Variants in RASAL2 observed in about 807,000 individuals in gnomAD.
RASAL2 encodes the protein ras GTPase-activating protein nGAP.
In RASAL2, 58 loss-of-function variants were observed where a neutral mutation model predicts 128.9. That is an observed-to-expected ratio of 0.45 (90% CI 0.36 to 0.56). The LOEUF (loss-of-function observed/expected upper bound fraction) is 0.56. Ranked by LOEUF, RASAL2 falls within the 20% of genes least tolerant of loss-of-function variation. The pLI is 0.00. For synonymous variants in RASAL2, 561 were observed against 580.8 expected, an observed-to-expected ratio of 0.97 and a Z score of 0.49; for missense variants, 1,360 against 1,601.6, an observed-to-expected ratio of 0.85 and a Z score of 2.57.
chr1:178,170,636 T>C (rs1420872539), intron 1 of RASAL2, among the ~76,000 whole-genome samples: 1 of 151,680 alleles, frequency 6.6e-6, no homozygotes, highest in Non-Finnish European at 1.5e-5. Flanking sequence ...TTTTATTTGC[T>C]CTTTTTCTCT....
At chr1:178,408,619 G>GTTTTT (rs1012370223) in intron 4 of RASAL2, among the ~76,000 whole-genome samples, 1 of 143,252 alleles carries the variant, frequency 7.0e-6, no homozygotes, top group African/African-American at 2.8e-5. Context: ...TTTGTTTTTT[G>GTTTTT]TTTTTTGTTT....
chr1:178,225,757 G>T (rs767702230), intron 1 of RASAL2, among the ~76,000 whole-genome samples: 3 of 149,848 alleles, frequency 2.0e-5, no homozygotes, highest in Non-Finnish European at 2.9e-5. Flanking sequence ...CTTTCATACT[G>T]TACATACATA....
intron 3 of RASAL2, among the ~76,000 whole-genome samples, chr1:178,352,959 C>T (rs1169558122): frequency 1.3e-5 from 2 of 152,236 alleles, no homozygotes; most frequent in Non-Finnish European, 2.9e-5. Context: ...GGGCAGCAGA[C>T]CCTGGGCCTG....
At chr1:178,359,931 G>A (rs1671019333) in intron 3 of RASAL2, among the ~76,000 whole-genome samples, 1 of 152,044 alleles carries the variant, frequency 6.6e-6, no homozygotes, top group African/African-American at 2.4e-5. Flanking sequence ...TTAACATATG[G>A]ACTCACAGAT....
At chr1:178,267,146 C>G (rs1488605986) in intron 1 of RASAL2, among the ~76,000 whole-genome samples, 2 of 152,182 alleles carry the variant, frequency 1.3e-5, no homozygotes, top group African/African-American at 4.8e-5. Context: ...TCTATCCATC[C>G]TTTTCTTAAC....
In RASAL2 at chr1:178,328,708, T is replaced by C. The variant is rs185811463; in HGVS notation, c.457+28590T>C. 8.3e-4 allele frequency among the ~76,000 whole-genome samples: 127 copies of C among 152,324 alleles called. 1 individual carries two copies. The highest frequency in any genetic ancestry group is 2.9e-3 in the African/African-American group (120 of 41,580). ...GGCAGTAGTCCTGTGAAACAAGTAT[T>C]ATTAGTACCCTTATTTTATAGAGAA... is the stretch of plus-strand genomic sequence containing the variant. On this transcript the variant is annotated intron_variant, in intron 3 of 17. Coordinates refer to ENST00000367649, the MANE Select transcript of RASAL2 (RefSeq NM_170692.4).
At chr1:178,145,637 A>T (rs1660709209) in intron 1 of RASAL2, among the ~76,000 whole-genome samples, 1 of 152,184 alleles carries the variant, frequency 6.6e-6, no homozygotes, top group Non-Finnish European at 1.5e-5. Context: ...TGGCTTAAAC[A>T]AAATAGAAGT....
chr1:178,298,514 C>T (rs1005334638), intron 2 of RASAL2, among the ~76,000 whole-genome samples: 1 of 152,182 alleles, frequency 6.6e-6, no homozygotes, highest in African/African-American at 2.4e-5. Flanking sequence ...TCCTTGCCAT[C>T]ATCTCCTTGA....
rs528629404 is a variant in RASAL2, at chr1:178,443,160, T to C, written c.1413T>C (p.Ile471=). 38 of 1,613,664 alleles carry C rather than the reference T, an allele frequency of 2.4e-5. 1 individual carries two copies. In the South Asian group the frequency reaches 4.1e-4, roughly 17 times the overall value. ...TGTGTTCTGTCCTTGAGCCAGTAAT[T>C]AGTGTGAGAAATAAAGAGGAGTTGG... ...TMLCSVLEPV[I]SVRNKEELAC... The change falls in exon 8 of 18, where the codon ATT becomes ATC. Residue 471 remains isoleucine, a synonymous_variant. Transcript: ENST00000367649.
intron 1 of RASAL2, among the ~76,000 whole-genome samples, chr1:178,270,908 C>G (rs1446483931): frequency 2.0e-5 from 3 of 152,122 alleles, no homozygotes; most frequent in African/African-American, 7.2e-5. Flanking sequence ...ATGTAAAAGT[C>G]TAATTTTGAG....
At chr1:178,131,957 G>A (rs918340199) in intron 1 of RASAL2, among the ~76,000 whole-genome samples, 2 of 152,118 alleles carry the variant, frequency 1.3e-5, no homozygotes, top group Admixed American at 6.5e-5. Context: ...TCTGTTTTGA[G>A]TCTTTGTAAT....
chr1:178,311,002 C>T (rs949907029), intron 3 of RASAL2, among the ~76,000 whole-genome samples: 1 of 152,072 alleles, frequency 6.6e-6, no homozygotes, highest in Non-Finnish European at 1.5e-5. Flanking sequence ...ACTAGAGGCT[C>T]CTCTTAATCA....
intron 14 of RASAL2, among the ~76,000 whole-genome samples, chr1:178,462,390 A>G (rs996930508): frequency 6.6e-6 from 1 of 152,194 alleles, no homozygotes; most frequent in African/African-American, 2.4e-5. Flanking sequence ...ACTAGTCAGT[A>G]TCATTTAAAA....
chr1:178,173,426 A>G (rs940352234), intron 1 of RASAL2, among the ~76,000 whole-genome samples: 1 of 152,164 alleles, frequency 6.6e-6, no homozygotes, highest in African/African-American at 2.4e-5. Flanking sequence ...ACATCTAAAT[A>G]TAGCATTTGC....
intron 2 of RASAL2, among the ~76,000 whole-genome samples, chr1:178,287,138 C>A (rs1035413320): frequency 4.0e-5 from 6 of 151,756 alleles, no homozygotes; most frequent in African/African-American, 1.5e-4. Flanking sequence ...CTTGCTTCAT[C>A]ATACACACTT....
chr1:178,132,463 C>T (rs1388361687), intron 1 of RASAL2, among the ~76,000 whole-genome samples: 1 of 151,954 alleles, frequency 6.6e-6, no homozygotes, highest in Non-Finnish European at 1.5e-5. Context: ...TATAAGCAAG[C>T]TTTTATGTTT....
At chr1:178,333,938 G>A (rs1031787562) in intron 3 of RASAL2, among the ~76,000 whole-genome samples, 1 of 152,168 alleles carries the variant, frequency 6.6e-6, no homozygotes, top group Non-Finnish European at 1.5e-5. Context: ...CCTTGTGGTA[G>A]ACAGAAAAAC....
chr1:178,150,205 A>C (rs1206374935), intron 1 of RASAL2, among the ~76,000 whole-genome samples: 1 of 151,698 alleles, frequency 6.6e-6, no homozygotes, highest in Admixed American at 6.6e-5. Flanking sequence ...TAGGTTATTT[A>C]TTTTTTTGCG....
intron 1 of RASAL2, among the ~76,000 whole-genome samples, chr1:178,240,868 A>C (rs1467699245): frequency 2.0e-5 from 3 of 151,248 alleles, no homozygotes; most frequent in African/African-American, 7.3e-5. Flanking sequence ...AAATTATTGG[A>C]AGATTTTGTT....
Sources: allele counts gnomAD v4.1 joint callset (sites outside exome capture counted in the v4.1 genomes callset), GRCh38; gene constraint gnomAD v4.1.1; transcripts MANE v1.5; gene names NCBI Gene and HGNC (gene_info 2026-07-23, HGNC 2026-07-21).